EYS: variants seen among roughly 807,000 people sequenced by gnomAD.
EYS encodes EGF-like photoreceptor maintenance factor, also known as protein eyes shut homolog.
In EYS, 250 loss-of-function variants were observed where a neutral mutation model predicts 282.1. The ratio of observed to expected loss-of-function variants is 0.89; its 90% CI spans 0.80 to 0.98. EYS has a LOEUF of 0.98. EYS is among the 50% of genes least tolerant of loss of function. EYS has a pLI of 0.00. For synonymous variants in EYS, 1,355 were observed against 1,282.9 expected (o/e 1.06, Z -1.20); for missense variants, 4,016 against 3,709.0 (o/e 1.08, Z -2.15).
intron 31 of EYS, among the ~76,000 whole-genome samples, chr6:64,108,143 C>T (rs116324154): frequency 0.029 from 4,369 of 152,154 alleles, 68 homozygotes; most frequent in Non-Finnish European, 0.046. Context: ...ATTTTGAGGA[C>T]CTGATAGGGT....
chr6:64,536,108 AAT>A (rs1170543478), intron 26 of EYS, among the ~76,000 whole-genome samples: 2 of 152,048 alleles, frequency 1.3e-5, no homozygotes, highest in Admixed American at 6.6e-5. Context: ...TTTTTATATA[AAT>A]ATGTCAAAAA....
chr6:65,020,467 A>T (rs1772215112), intron 13 of EYS, among the ~76,000 whole-genome samples: 3 of 152,164 alleles, frequency 2.0e-5, no homozygotes, highest in Non-Finnish European at 4.4e-5. Context: ...TCTCACATCC[A>T]GATCACATCC....
intron 26 of EYS, among the ~76,000 whole-genome samples, chr6:64,479,198 C>A (rs2150498149): frequency 6.6e-6 from 1 of 152,022 alleles, no homozygotes. Context: ...TTTCTAATAA[C>A]ATTATGGCTC....
At chr6:65,068,758 T>A (rs1425137353) in intron 12 of EYS, among the ~76,000 whole-genome samples, 1 of 152,054 alleles carries the variant, frequency 6.6e-6, no homozygotes, top group Non-Finnish European at 1.5e-5. Flanking sequence ...TGTGCTCTGA[T>A]GTTAAAAAAA....
At chr6:64,968,819 C>T (rs1554222452) in intron 14 of EYS, among the ~76,000 whole-genome samples, 1 of 133,788 alleles carries the variant, frequency 7.5e-6, no homozygotes, top group Admixed American at 8.4e-5. Context: ...ATAGCTGAGT[C>T]TTTGCCTAGG....
chr6:64,596,120 A>G (rs1766578732), intron 24 of EYS, among the ~76,000 whole-genome samples: 1 of 152,044 alleles, frequency 6.6e-6, no homozygotes, highest in Admixed American at 6.6e-5. Context: ...AAATAACCAG[A>G]TCTCACAGGA....
intron 12 of EYS, among the ~76,000 whole-genome samples, chr6:65,114,642 G>A (rs2150191326): frequency 6.6e-6 from 1 of 151,606 alleles, no homozygotes; most frequent in South Asian, 2.1e-4. Flanking sequence ...TGTCTTTCTT[G>A]GATACCATTC....
chr6:64,358,881 A>C (rs937960972), intron 29 of EYS, among the ~76,000 whole-genome samples: 32 of 151,708 alleles, frequency 2.1e-4, no homozygotes, highest in Admixed American at 2.0e-3. Context: ...TCAGTGGCCA[A>C]GTGAGTCTAG....
chr6:65,324,516 G>A lies in EYS; in HGVS notation c.1766+10464C>T, dbSNP rs144244066. ...GTAAACCTTCCTTGCAACCCTCTTC[G>A]CTTGCCTTGCTGAGATTAGGAAGAT... is the stretch of plus-strand genomic sequence containing the variant. On this transcript the variant is annotated intron_variant, in intron 11 of 42. Transcript: ENST00000503581. Among the ~76,000 whole-genome samples, 48 of 152,272 alleles carry A rather than the reference G, an allele frequency of 3.2e-4. No individual in the cohort carries two copies. In the East Asian group the frequency reaches 6.8e-3, roughly 21 times the overall value.
At chr6:64,679,309 G>C (rs1200102531) in intron 22 of EYS, among the ~76,000 whole-genome samples, 2 of 151,980 alleles carry the variant, frequency 1.3e-5, no homozygotes, top group African/African-American at 2.4e-5. Flanking sequence ...GCTTTTCTCG[G>C]GCACTTTATC....
At chr6:64,660,217 G>C (rs1427350603) in intron 22 of EYS, among the ~76,000 whole-genome samples, 4 of 152,116 alleles carry the variant, frequency 2.6e-5, no homozygotes, top group African/African-American at 9.7e-5. Flanking sequence ...CAATAAATTA[G>C]GTATTGATGG....
At chr6:64,200,604 C>T (rs541872288) in intron 31 of EYS, among the ~76,000 whole-genome samples, 4 of 152,218 alleles carry the variant, frequency 2.6e-5, no homozygotes, top group African/African-American at 9.6e-5. Context: ...GTGTCAGACT[C>T]AGAGTTCATT....
intron 19 of EYS, among the ~76,000 whole-genome samples, chr6:64,847,976 G>A (rs756857748): frequency 8.6e-5 from 13 of 151,956 alleles, no homozygotes; most frequent in Non-Finnish European, 1.8e-4. Context: ...ATCTGAATAT[G>A]TGTGCCATTC....
At chr6:64,713,767 T>C (rs1233548897) in intron 22 of EYS, among the ~76,000 whole-genome samples, 3 of 152,130 alleles carry the variant, frequency 2.0e-5, no homozygotes, top group African/African-American at 7.2e-5. Context: ...TTAATATATA[T>C]GTTAAATAAT....
rs149819294 is a variant in EYS, at chr6:64,277,067, G to T, written c.6191+29903C>A. 2.4e-3 allele frequency among the ~76,000 whole-genome samples: 360 copies of T among 152,196 alleles called. 1 individual carries two copies. The highest frequency in any genetic ancestry group is 8.3e-3 in the African/African-American group (346 of 41,550). ...TTGAAATCATTCTATGACCATGGCT[G>T]TCACCTATTAATACATAGAATACAT... On this transcript the variant is annotated intron_variant, in intron 30 of 42. Coordinates refer to ENST00000503581, the MANE Select transcript of EYS (RefSeq NM_001142800.2).
At chr6:64,119,567 T>C (rs1435397507) in intron 31 of EYS, among the ~76,000 whole-genome samples, 1 of 152,242 alleles carries the variant, frequency 6.6e-6, no homozygotes, top group Non-Finnish European at 1.5e-5. Context: ...GTTTTATCAA[T>C]TCAGTTGTGT....
At chr6:64,038,415 G>C (rs555307919) in intron 33 of EYS, among the ~76,000 whole-genome samples, 1 of 152,178 alleles carries the variant, frequency 6.6e-6, no homozygotes, top group Middle Eastern at 3.4e-3. Context: ...AAGACATCAT[G>C]TTGTACATGA....
chr6:64,054,915 A>C (rs1770930512), intron 33 of EYS, among the ~76,000 whole-genome samples: 1 of 152,208 alleles, frequency 6.6e-6, no homozygotes, highest in Non-Finnish European at 1.5e-5. Flanking sequence ...GATTACTGTA[A>C]TGCAAGTGAA....
At chr6:65,306,053 G>A (rs1349458982) in intron 11 of EYS, among the ~76,000 whole-genome samples, 1 of 152,150 alleles carries the variant, frequency 6.6e-6, no homozygotes, top group African/African-American at 2.4e-5. Flanking sequence ...TCAAGGTTTA[G>A]ATTTGTGAAG....
Sources: gnomAD v4.1 joint callset for allele counts (sites outside exome capture counted in the v4.1 genomes callset) on GRCh38, gnomAD v4.1.1 for gene constraint, MANE v1.5 for transcripts, NCBI Gene and HGNC (gene_info 2026-07-23, HGNC 2026-07-21) for gene names.